The following EXD3 variants were observed in gnomAD, a reference collection of about 807,000 sequenced individuals.
EXD3 encodes exonuclease mut-7 homolog.
Under a neutral mutation model 98.0 loss-of-function variants are expected in EXD3, and 92 were observed. The observed-to-expected ratio is 0.94, with a 90% confidence interval of 0.79 to 1.12. The LOEUF is 1.12. Ranked by LOEUF, EXD3 falls within the 50% of genes most tolerant of loss-of-function variation. EXD3 has a pLI of 0.00. For missense variants in EXD3, 1,222 were observed against 1,191.6 expected (o/e 1.03, Z -0.38); for synonymous variants, 569 against 526.0 (o/e 1.08, Z -1.12).
At chr9:137,370,999 C>T (rs922720551) in intron 5 of EXD3, among the ~76,000 whole-genome samples, 2 of 152,312 alleles carry the variant, frequency 1.3e-5, no homozygotes, top group Admixed American at 6.5e-5. Context: ...CTCTTTCGGC[C>T]GGGCGCGGCG....
chr9:137,420,739 C>CCCA (rs1554743341), intron 1 of EXD3, among the ~76,000 whole-genome samples: 1 of 134,890 alleles, frequency 7.4e-6, no homozygotes, highest in Non-Finnish European at 1.6e-5. Context: ...AGACATTCAC[C>CCCA]CCCCCCCCCA....
rs935199971 is a variant in EXD3, at chr9:137,405,701, T to C, written c.-47-10297A>G. Among the ~76,000 whole-genome samples the C allele has an allele frequency of 2.0e-5, 3 of 152,230 alleles. No individual in the cohort carries two copies. The South Asian group carries it at 6.2e-4, about 31-fold the overall frequency. ...TGAAAGCACATTTGATTTTCTTACA[T>C]CACATTGAAGTAGATCAAGTTCCTG... On this transcript the variant is annotated intron_variant, in intron 1 of 21. Coordinates refer to ENST00000340951, the MANE Select transcript of EXD3 (RefSeq NM_017820.5). This position sits in a 1 kb window ranked among gnomAD's most constrained non-coding sequence, Gnocchi z 4.1.
chr9:137,356,211 G>T, intron 8 of EXD3, 57 bp downstream of exon 8: 2 of 1,327,194 alleles, frequency 1.5e-6, no homozygotes, highest in Non-Finnish European at 2.1e-6. Context: ...GATGTCCCTG[G>T]CCACGCTTGG....
intron 13 of EXD3, 65 bp downstream of exon 13, chr9:137,351,253 G>A (rs1834285057): frequency 6.4e-7 from 1 of 1,551,106 alleles, no homozygotes; most frequent in African/African-American, 1.4e-5. Context: ...CGGAGGGAAG[G>A]GTCAGGCAGG....
Position 137,348,129 on chromosome 9 carries a change from C to T in EXD3, c.1940G>A (p.Cys647Tyr). 1.2e-6 allele frequency: 2 copies of T among 1,612,276 alleles called. No individual in the cohort carries two copies. Among genetic ancestry groups the T allele is most frequent in the South Asian group, 2.2e-5 (2 of 91,008 alleles). Residue 647 changes from cysteine to tyrosine, a missense_variant, in exon 17 of 22, where the codon TGT becomes TAT. Transcript: ENST00000340951. ...CAGCATGCGTGCATCCACACCGAGA[C>T]AGCGGAGGCTCCGTGCCAGCCCCTG... ...MLQGLARSLR[C>Y]LGVDARMLGN...
At chr9:137,365,668 ACACACATGCACAGG>A (rs1301777845) in intron 7 of EXD3, 1 of 244,936 alleles carries the variant, frequency 4.1e-6, no homozygotes, top group African/African-American at 2.4e-5. Flanking sequence ...CACCACACGC[ACACACATGCACAGG>A]CACACATGCA....
chr9:137,373,172 T>A, intron 4 of EXD3, 100 bp from the exon 5 acceptor site: 1 of 1,363,144 alleles, frequency 7.3e-7, no homozygotes, highest in Non-Finnish European at 9.9e-7. Context: ...CGCCTGCCAC[T>A]GTGGCCATGT....
rs369878254 is a variant in EXD3, at chr9:137,393,741, GCCA to G, written c.55+1559_55+1561del. On this transcript the variant is annotated intron_variant, in intron 2 of 21. Transcript: ENST00000340951. This position sits in a 1 kb window ranked among gnomAD's most constrained non-coding sequence, Gnocchi z 4.6. ...GAGCAGGGCTTTCACAGAGGGGAGG[GCCA>G]TGGCCCTGCCCCATGGAGGGGCTGC... 1.1e-3 allele frequency among the ~76,000 whole-genome samples: 170 copies of G among 152,302 alleles called. 1 individual carries two copies. Among genetic ancestry groups the G allele is most frequent in the African/African-American group, 3.4e-3 (141 of 41,570 alleles).
intron 16 of EXD3, 123 bp downstream of exon 16, chr9:137,348,987 G>C: frequency 8.3e-7 from 1 of 1,202,238 alleles, no homozygotes; most frequent in African/African-American, 1.5e-5. Context: ...CTCGCTCCAG[G>C]AGCTGGGCCC....
Position 137,328,591 on chromosome 9 carries a change from A to ACTACACGGGG in EXD3, c.1999-4449_1999-4448insCCCCGTGTAG, listed in dbSNP as rs1564477264. Among the ~76,000 whole-genome samples the ACTACACGGGG allele has an allele frequency of 6.2e-3, 120 of 19,286 alleles. 28 individuals are homozygous for ACTACACGGGG. Among genetic ancestry groups the ACTACACGGGG allele is most frequent in the African/African-American group, 0.021 (104 of 5,066 alleles). The allele number at this position is 19,286 out of a possible 152,430, so 12.7% of individuals were successfully genotyped here. ...ACTAGTTACACAGGAGCTACACGGGACTACACGGGACTACACGGGGCTACA... is the reference window on the plus strand; with the variant it reads ...ACTAGTTACACAGGAGCTACACGGGACTACACGGGGCTACACGGGACTACACGGGGCTACA... On this transcript the variant is annotated intron_variant, in intron 17 of 21. Coordinates refer to ENST00000340951, the MANE Select transcript of EXD3 (RefSeq NM_017820.5).
intron 1 of EXD3, among the ~76,000 whole-genome samples, chr9:137,418,835 GAT>G (rs1221873763): frequency 2.0e-5 from 3 of 151,954 alleles, no homozygotes; most frequent in Non-Finnish European, 4.4e-5. Context: ...TAGGTCTATT[GAT>G]TGCTTGGGAA....
intron 4 of EXD3, 73 bp from the exon 5 acceptor site, chr9:137,373,145 C>A: frequency 6.7e-7 from 1 of 1,484,926 alleles, no homozygotes; most frequent in South Asian, 1.3e-5. Flanking sequence ...TTGAGGCAGG[C>A]CTGGCTTAGG....
Position 137,403,572 on chromosome 9 carries a change from C to A in EXD3, c.-47-8168G>T, listed in dbSNP as rs996152645. On this transcript the variant is annotated intron_variant, in intron 1 of 21. Coordinates refer to ENST00000340951, the MANE Select transcript of EXD3 (RefSeq NM_017820.5). This position sits in a 1 kb window ranked among gnomAD's most constrained non-coding sequence, Gnocchi z 6.1. ...GAAACCTGGGCCTCCATTCCCGAGC[C>A]CCCCAGTTTTCGCCTCTCTCCTTCT... 3.9e-5 allele frequency among the ~76,000 whole-genome samples: 5 copies of A among 127,464 alleles called. No homozygotes were observed. Among genetic ancestry groups the A allele is most frequent in the African/African-American group, 1.4e-4 (5 of 36,250 alleles). The allele number at this position is 127,464 out of a possible 152,430, so 83.6% of individuals were successfully genotyped here. A position where few individuals can be genotyped will look rare whatever the true frequency, so the allele number is the denominator to read the frequency against.
chr9:137,355,685 AGGAGAAAG>A lies in EXD3; in HGVS notation c.757+575_757+582del, dbSNP rs1195997462. Among the ~76,000 whole-genome samples the A allele has an allele frequency of 1.6e-3, 201 of 127,124 alleles. 1 individual carries two copies. Among genetic ancestry groups the A allele is most frequent in the Admixed American group, 3.1e-3 (38 of 12,242 alleles). The allele number at this position is 127,124 out of a possible 152,430, so 83.4% of individuals were successfully genotyped here. On this transcript the variant is annotated intron_variant, in intron 8 of 21. Transcript: ENST00000340951. The stretch of plus-strand genomic sequence containing the variant: ...GGAAGGAGAAAGGGAGGATGGAGGA[AGGAGAAAG>A]GGAGGAAGGAGGAAGGAGGAAGGAG...
intron 1 of EXD3, among the ~76,000 whole-genome samples, chr9:137,419,991 C>A (rs1404156778): frequency 6.6e-6 from 1 of 152,038 alleles, no homozygotes; most frequent in African/African-American, 2.4e-5. Context: ...AACCCCATCT[C>A]TACTAAAAAT....
In EXD3 at chr9:137,378,318, C is replaced by T. The variant is rs146575863; in HGVS notation, c.121-4719G>A. Among the ~76,000 whole-genome samples the T allele has an allele frequency of 1.8e-3, 274 of 152,230 alleles. 1 individual carries two copies. Among genetic ancestry groups the T allele is most frequent in the African/African-American group, 6.3e-3 (261 of 41,538 alleles). On this transcript the variant is annotated intron_variant, in intron 3 of 21. Coordinates refer to ENST00000340951, the MANE Select transcript of EXD3 (RefSeq NM_017820.5). ...CCGCCTCTGGGGTTTAAGTGATTCT[C>T]CTGCCTCAGCCTCGCAAATAGCAGG...
At chr9:137,415,565 C>T (rs765523386) in intron 1 of EXD3, among the ~76,000 whole-genome samples, 1 of 152,160 alleles carries the variant, frequency 6.6e-6, no homozygotes, top group Non-Finnish European at 1.5e-5. Context: ...CTTCTCTGTG[C>T]ACCCCACCTC....
At chr9:137,370,370 G>A (rs138406018) in intron 5 of EXD3, among the ~76,000 whole-genome samples, 158 of 152,278 alleles carry the variant, frequency 1.0e-3, no homozygotes, top group Non-Finnish European at 1.7e-3. Context: ...GGCCCAGGGA[G>A]CAGACAGCAG....
At chr9:137,335,825 A>AAG (rs1833326671) in intron 17 of EXD3, among the ~76,000 whole-genome samples, 1 of 152,138 alleles carries the variant, frequency 6.6e-6, no homozygotes, top group Non-Finnish European at 1.5e-5. Context: ...ATTATATCAG[A>AAG]AAGACACCTG....
Sources: allele counts gnomAD v4.1 joint callset (sites outside exome capture counted in the v4.1 genomes callset), GRCh38; gene constraint gnomAD v4.1.1; non-coding constraint Gnocchi (gnomAD v3.1); transcripts MANE v1.5; gene names NCBI Gene and HGNC (gene_info 2026-07-23, HGNC 2026-07-21).